The following HDAC10 variants were observed in gnomAD, a reference collection of about 807,000 sequenced individuals.
HDAC10 encodes the protein histone deacetylase 10.
In HDAC10, 90 loss-of-function variants were observed where a neutral mutation model predicts 82.3. The observed-to-expected ratio is 1.09, with a 90% CI of 0.92 to 1.30. The LOEUF is 1.30. Ranked by LOEUF, HDAC10 falls within the 50% of genes most tolerant of loss-of-function variation. The pLI is 0.00. For synonymous variants in HDAC10, 456 were observed against 391.7 expected, an observed-to-expected ratio of 1.16 and a Z score of -1.94; for missense variants, 934 against 876.3, an observed-to-expected ratio of 1.07 and a Z score of -0.83.
In HDAC10 at chr22:50,250,689, G is replaced by A. The variant is rs536629260; in HGVS notation, c.194+82C>T. 1.7e-4 allele frequency: 246 copies of A among 1,420,456 alleles called. 1 individual carries two copies. The African/African-American group carries it at 3.2e-3, about 19-fold the overall frequency. The allele number at this position is 1,420,456 out of a possible 1,614,324, so 88.0% of individuals were successfully genotyped here. A position where few individuals can be genotyped will look rare whatever the true frequency, so the allele number is the denominator to read the frequency against. ...GAGGCTCTGTATTCGAGGCTGGCAG[G>A]CTCGGGGTAGGCCCAGGTTCTTAGG... On this transcript the variant is annotated intron_variant, in intron 2 of 19. Transcript: ENST00000216271.
Position 50,246,684 on chromosome 22 carries a change from A to G in HDAC10, c.1566T>C (p.His522=). 1 of 1,611,512 alleles carries G rather than the reference A, an allele frequency of 6.2e-7. No homozygotes were observed. The highest frequency in any genetic ancestry group is 8.5e-7 in the Non-Finnish European group (1 of 1,179,818). Residue 522 remains histidine, a synonymous_variant, in exon 16 of 20, where the codon CAT becomes CAC. Transcript: ENST00000216271. ...GQLDRPPDLA[H]DGRSLWLNIR... is the part of the protein sequence containing the mutation. The stretch of plus-strand genomic sequence containing the variant: ...GCAAGACCTGAGAGTCCTACCCGTC[A>G]TGGGCGAGGTCTGGAGGCCGGTCCA...
Position 50,248,821 on chromosome 22 carries a change from A to G in HDAC10, c.816+10T>C, listed in dbSNP as rs1470437193. On this transcript the variant is annotated intron_variant, in intron 9 of 19. Transcript: ENST00000216271. This position sits in a 1 kb window ranked among gnomAD's most constrained non-coding sequence, Gnocchi z 5.4. ...CCCAGAAGCCCTCCCTGGCAAGGCA[A>G]GGCCCTCACCTCAGGGTCCCCGATG... 1 of 1,609,780 alleles carries G rather than the reference A, an allele frequency of 6.2e-7. No individual in the cohort carries two copies. Among genetic ancestry groups the G allele is most frequent in the African/African-American group, 1.3e-5 (1 of 74,868 alleles).
In HDAC10 at chr22:50,249,154, G is replaced by A. The variant is rs757575608; in HGVS notation, c.705C>T (p.Asn235=). The A allele has an allele frequency of 1.0e-5, 16 of 1,577,456 alleles. No homozygotes were observed. The East Asian group carries it at 1.9e-4, about 19-fold the overall frequency. The change falls in exon 8 of 20, where the codon AAC becomes AAT. Residue 235 remains asparagine, a synonymous_variant. Transcript: ENST00000216271. This position sits in a 1 kb window ranked among gnomAD's most constrained non-coding sequence, Gnocchi z 4.4. ...GCAGGAAGGCAGCCACGTAGTCAGC[G>A]TTTCCCATCCCAACCTGGCAGGACA... ...NLPWNQVGMG[N]ADYVAAFLHL...
Position 50,246,676 on chromosome 22 carries a change from T to C in HDAC10, c.1571+3A>G. ...GGACATATGCAAGACCTGAGAGTCC[T>C]ACCCGTCATGGGCGAGGTCTGGAGG... On this transcript the variant is annotated splice_donor_region_variant and intron_variant, in intron 16 of 19. Coordinates refer to ENST00000216271, the MANE Select transcript of HDAC10 (RefSeq NM_032019.6). The C allele has an allele frequency of 1.2e-6, 2 of 1,611,164 alleles. No individual in the cohort carries two copies. Among genetic ancestry groups the C allele is most frequent in the Middle Eastern group, 2.1e-4 (1 of 4,716 alleles).
At position 50,246,070 on chromosome 22, in the gene HDAC10, C is replaced by G. The variant is rs1273824748; in HGVS notation, c.1673G>C (p.Cys558Ser). 1 of 1,609,156 alleles carries G rather than the reference C, an allele frequency of 6.2e-7. No individual in the cohort carries two copies. The highest frequency in any genetic ancestry group is 1.7e-5 in the Admixed American group (1 of 59,524). Residue 558 changes from cysteine (C) to serine (S), a missense_variant, in exon 18 of 20, where the codon TGC (cysteine) becomes TCC (serine). Coordinates refer to ENST00000216271, the MANE Select transcript of HDAC10 (RefSeq NM_032019.6). Reference protein sequence around the residue: ...LPVMTGGFLSCILGLVLPLAY... With the variant: ...LPVMTGGFLSSILGLVLPLAY... ...CAGGGGCAGCACCAAGCCCAAGATG[C>G]AGCTCAGGAAACCACCGGTCATCTG...
chr22:50,247,832 CACACAG>C, intron 13 of HDAC10, 52 bp downstream of exon 13: 1 of 1,612,670 alleles, frequency 6.2e-7, no homozygotes, highest in Non-Finnish European at 8.5e-7. Flanking sequence ...AGGTCAGGCA[CACACAG>C]GCACAGGTGT....
Position 50,248,227 on chromosome 22 carries a change from T to G in HDAC10, c.1079A>C (p.Gln360Pro), listed in dbSNP as rs1374484636. ...GCCTAGCACCCGGCCACACTGACCTTGCTGCTGGAGGCTCTTCCAGTGCGG... is the reference window on the plus strand; with the variant it reads ...GCCTAGCACCCGGCCACACTGACCTGGCTGCTGGAGGCTCTTCCAGTGCGG... ...QAPHWKSLQQQDVTAVPMSPS... is the reference protein window; with the variant it reads ...QAPHWKSLQQPDVTAVPMSPS... Residue 360 changes from glutamine to proline, a missense_variant and splice_region_variant, in exon 12 of 20, where the codon CAA becomes CCA. Physicochemically the swap from Gln to Pro is moderately conservative, Grantham distance 76. Coordinates refer to ENST00000216271, the MANE Select transcript of HDAC10 (RefSeq NM_032019.6). The surrounding 1 kb of genome is among the most constrained non-coding windows in gnomAD (Gnocchi z 5.4). 1 of 1,611,738 alleles carries G rather than the reference T, an allele frequency of 6.2e-7. No individual in the cohort carries two copies. The highest frequency in any genetic ancestry group is 8.5e-7 in the Non-Finnish European group (1 of 1,179,712).
In HDAC10 at chr22:50,251,141, G is replaced by C. The variant is rs1016622420; in HGVS notation, c.-109C>G. On this transcript the variant is annotated 5_prime_UTR_variant, in exon 1 of 20. Transcript: ENST00000216271. ...AGCCGGAGGCCTGGGACCTGCCTGGGGCGCAGGCGGGCGGCGGGCACCGGC... is the reference window on the plus strand; with the variant it reads ...AGCCGGAGGCCTGGGACCTGCCTGGCGCGCAGGCGGGCGGCGGGCACCGGC... The C allele has an allele frequency of 8.5e-7, 1 of 1,179,232 alleles. No homozygotes were observed. The allele number at this position is 1,179,232 out of a possible 1,614,324, so 73.0% of individuals were successfully genotyped here. A position where few individuals can be genotyped will look rare whatever the true frequency, so the allele number is the denominator to read the frequency against.
chr22:50,248,977 G>A lies in HDAC10; in HGVS notation c.757-87C>T. On this transcript the variant is annotated intron_variant, in intron 8 of 19. Transcript: ENST00000216271. The surrounding 1 kb of genome is among the most constrained non-coding windows in gnomAD (Gnocchi z 5.4). Reference sequence around the variant, plus strand: ...AGCCAGGCCCATCCCATCCCCTCCTGAGCACCTTCCCCAGCCACACAGGAG... The same window carrying A: ...AGCCAGGCCCATCCCATCCCCTCCTAAGCACCTTCCCCAGCCACACAGGAG... The A allele has an allele frequency of 1.3e-6, 2 of 1,485,724 alleles. No individual in the cohort carries two copies. Among genetic ancestry groups the A allele is most frequent in the South Asian group, 1.2e-5 (1 of 84,354 alleles). The allele number at this position is 1,485,724 out of a possible 1,614,324, so 92.0% of individuals were successfully genotyped here. A position where few individuals can be genotyped will look rare whatever the true frequency, so the allele number is the denominator to read the frequency against.
rs893482222 is a variant in HDAC10 at position 50,251,053 on chromosome 22, G to A, written c.-21C>T. 37 of 1,604,758 alleles carry A rather than the reference G, an allele frequency of 2.3e-5. No homozygotes were observed. The highest frequency in any genetic ancestry group is 3.0e-5 in the Non-Finnish European group (35 of 1,174,786). ...CCCATGGCTGCGCCGTGGTCACCCT[G>A]GGTTCCCAAACGCCCTCGCTAGTGG... On this transcript the variant is annotated 5_prime_UTR_variant, in exon 1 of 20. Transcript: ENST00000216271.
chr22:50,248,346 C>T lies in HDAC10; in HGVS notation c.1013+20G>A, dbSNP rs202179422. ...CCTGGTCTCACACCCCGGCCCTGCCCGCCCTACCTCCCCTCGCACCTCTGA... is the reference window on the plus strand; with the variant it reads ...CCTGGTCTCACACCCCGGCCCTGCCTGCCCTACCTCCCCTCGCACCTCTGA... On this transcript the variant is annotated intron_variant, in intron 11 of 19. Transcript: ENST00000216271. The surrounding 1 kb of genome is among the most constrained non-coding windows in gnomAD (Gnocchi z 5.4). 290 of 1,611,364 alleles carry T rather than the reference C, an allele frequency of 1.8e-4. No individual in the cohort carries two copies. Among genetic ancestry groups the T allele is most frequent in the Admixed American group, 5.0e-4 (30 of 59,966 alleles).
chr22:50,251,085 C>T lies in HDAC10; in HGVS notation c.-53G>A. 1.9e-6 allele frequency: 3 copies of T among 1,549,456 alleles called. No homozygotes were observed. The highest frequency in any genetic ancestry group is 2.6e-6 in the Non-Finnish European group (3 of 1,135,822). ...CAAACGCCCTCGCTAGTGGTGCCTG[C>T]CACTGCCTGTCCCCACCTTCGGCCG... On this transcript the variant is annotated 5_prime_UTR_variant, in exon 1 of 20. Transcript: ENST00000216271.
At position 50,245,659 on chromosome 22, in the gene HDAC10, C is replaced by T. The variant is rs1219975781; in HGVS notation, c.1986+16G>A. On this transcript the variant is annotated intron_variant, in intron 19 of 19. Coordinates refer to ENST00000216271, the MANE Select transcript of HDAC10 (RefSeq NM_032019.6). Reference sequence around the variant, plus strand: ...CAGGCCCCAGGGCAGGGCCATGCCTCCGCAGTCAGCCTCACCTGCAACATC... The same window carrying T: ...CAGGCCCCAGGGCAGGGCCATGCCTTCGCAGTCAGCCTCACCTGCAACATC... The T allele has an allele frequency of 1.9e-6, 3 of 1,612,726 alleles. No homozygotes were observed. The highest frequency in any genetic ancestry group is 2.7e-5 in the African/African-American group (2 of 75,034).
chr22:50,246,649 C>G lies in HDAC10; in HGVS notation c.1571+30G>C, dbSNP rs1264339121. ...ATCACATGCCCGTCCACATGCATGG[C>G]TGGACATATGCAAGACCTGAGAGTC... On this transcript the variant is annotated intron_variant, in intron 16 of 19. Coordinates refer to ENST00000216271, the MANE Select transcript of HDAC10 (RefSeq NM_032019.6). The G allele has an allele frequency of 1.9e-6, 3 of 1,603,228 alleles. No individual in the cohort carries two copies. The East Asian group carries it at 6.7e-5, about 36-fold the overall frequency.
chr22:50,248,212 C>G lies in HDAC10; in HGVS notation c.1081+13G>C. The G allele has an allele frequency of 6.2e-7, 1 of 1,609,802 alleles. No individual in the cohort carries two copies. Among genetic ancestry groups the G allele is most frequent in the Non-Finnish European group, 8.5e-7 (1 of 1,178,646 alleles). On this transcript the variant is annotated intron_variant, in intron 12 of 19. Transcript: ENST00000216271. The surrounding 1 kb of genome is among the most constrained non-coding windows in gnomAD (Gnocchi z 5.4). ...AGGTGGGATCCTGCAGCCTAGCACC[C>G]GGCCACACTGACCTTGCTGCTGGAG...
At chr22:50,245,609 TC>T in intron 19 of HDAC10, 65 bp downstream of exon 19, 1 of 1,602,468 alleles carries the variant, frequency 6.2e-7, no homozygotes, top group Non-Finnish European at 8.5e-7. Flanking sequence ...TGCCCTGCCC[TC>T]CCCACCGATC....
intron 15 of HDAC10, 69 bp from the exon 16 acceptor site, chr22:50,246,804 C>T: frequency 6.2e-7 from 1 of 1,600,298 alleles, no homozygotes; most frequent in Non-Finnish European, 8.6e-7. Flanking sequence ...ACTCTCTGTG[C>T]TTGGCCAGCC....
rs1601629090 is a variant in HDAC10, at chr22:50,249,543, T to C, written c.564-89A>G. On this transcript the variant is annotated intron_variant, in intron 6 of 19. Transcript: ENST00000216271. This position sits in a 1 kb window ranked among gnomAD's most constrained non-coding sequence, Gnocchi z 4.4. ...TGTAGAACGCTGACCCCTGAGCACA[T>C]GTCTGTATCTCACCCCTGGATTTTC... 2 of 1,532,114 alleles carry C rather than the reference T, an allele frequency of 1.3e-6. No homozygotes were observed. The highest frequency in any genetic ancestry group is 3.6e-5 in the Admixed American group (2 of 54,866). 94.9% of individuals were successfully genotyped at this position (1,532,114 alleles called of 1,614,324 possible).
At position 50,250,911 on chromosome 22, in the gene HDAC10, G is replaced by A. The variant is rs758258514; in HGVS notation, c.60-6C>T. 8 of 1,604,620 alleles carry A rather than the reference G, an allele frequency of 5.0e-6. No individual in the cohort carries two copies. The South Asian group carries it at 7.8e-5, about 16-fold the overall frequency. ...GCTCGATCTCGCACTCGGGGCTGGG[G>A]CAGATGAGGAGCTCAGTTCAGAGGT... On this transcript the variant is annotated splice_region_variant and splice_polypyrimidine_tract_variant and intron_variant, in intron 1 of 19. Coordinates refer to ENST00000216271, the MANE Select transcript of HDAC10 (RefSeq NM_032019.6).
Sources: gnomAD v4.1 joint callset for allele counts on GRCh38, gnomAD v4.1.1 for gene constraint, Gnocchi (gnomAD v3.1) non-coding constraint, MANE v1.5 for transcripts, NCBI Gene and HGNC (gene_info 2026-07-23, HGNC 2026-07-21) for gene names.